The following TCF7L1 variants were observed in gnomAD, a reference collection of about 807,000 sequenced individuals.
TCF7L1 encodes the protein transcription factor 7-like 1.
A neutral mutation model predicts 63.7 loss-of-function variants in TCF7L1; 18 were observed. The observed-to-expected ratio is 0.28, with a 90% CI of 0.20 to 0.42. The LOEUF is 0.42. TCF7L1 is among the 10% of genes least tolerant of loss of function. TCF7L1 has a pLI of 1.00. For synonymous variants in TCF7L1, 355 were observed against 340.9 expected, an observed-to-expected ratio of 1.04 and a Z score of -0.46; for missense variants, 654 against 779.3, an observed-to-expected ratio of 0.84 and a Z score of 1.91.
intron 3 of TCF7L1, among the ~76,000 whole-genome samples, chr2:85,280,623 G>A (rs1308051625): frequency 6.6e-6 from 1 of 152,144 alleles, no homozygotes. Context: ...TATAGATTTG[G>A]GATACTTCTC....
At chr2:85,232,650 G>A (rs975705212) in intron 3 of TCF7L1, among the ~76,000 whole-genome samples, 32 of 152,250 alleles carry the variant, frequency 2.1e-4, no homozygotes, top group South Asian at 2.1e-4. Flanking sequence ...CTGATTAAGC[G>A]GTATCTCCTC....
At chr2:85,212,577 A>C (rs1468070376) in intron 3 of TCF7L1, among the ~76,000 whole-genome samples, 1 of 152,166 alleles carries the variant, frequency 6.6e-6, no homozygotes, top group African/African-American at 2.4e-5. Flanking sequence ...TTGGGCCTGA[A>C]CTGCGAGAGG....
At chr2:85,287,583 T>C (rs1207462010) in intron 4 of TCF7L1, among the ~76,000 whole-genome samples, 1 of 152,206 alleles carries the variant, frequency 6.6e-6, no homozygotes, top group African/African-American at 2.4e-5. Context: ...CATGGCATTA[T>C]AGATAGCAAC....
At position 85,133,966 on chromosome 2, in the gene TCF7L1, C is replaced by A; in HGVS notation, c.249+33C>A. The A allele has an allele frequency of 6.3e-7, 1 of 1,581,648 alleles. No homozygotes were observed. Among genetic ancestry groups the A allele is most frequent in the Non-Finnish European group, 8.6e-7 (1 of 1,163,008 alleles). ...AGCACCGCGGCCACCCCCGGGGGAT[C>A]CCGGCCCTGCGTCCGCTCACCCGCT... On this transcript the variant is annotated intron_variant, in intron 1 of 11. Coordinates refer to ENST00000282111, the MANE Select transcript of TCF7L1 (RefSeq NM_031283.3). The surrounding 1 kb of genome is among the most constrained non-coding windows in gnomAD (Gnocchi z 4.4).
At chr2:85,254,876 G>A (rs1315462506) in intron 3 of TCF7L1, among the ~76,000 whole-genome samples, 2 of 152,186 alleles carry the variant, frequency 1.3e-5, no homozygotes, top group Admixed American at 1.3e-4. Flanking sequence ...GTCTTCTGAG[G>A]GTCTGGAACT....
chr2:85,243,576 G>A (rs956117180), intron 3 of TCF7L1, among the ~76,000 whole-genome samples: 3 of 152,142 alleles, frequency 2.0e-5, no homozygotes, highest in African/African-American at 4.8e-5. Context: ...AGCATAAGAG[G>A]TGCTAGAAAC....
At chr2:85,278,337 G>T (rs1453490185) in intron 3 of TCF7L1, among the ~76,000 whole-genome samples, 1 of 152,192 alleles carries the variant, frequency 6.6e-6, no homozygotes, top group Non-Finnish European at 1.5e-5. Flanking sequence ...GACACTGATG[G>T]CAACACTCGA....
At chr2:85,136,955 G>C (rs1351137431) in intron 3 of TCF7L1, among the ~76,000 whole-genome samples, 1 of 152,162 alleles carries the variant, frequency 6.6e-6, no homozygotes, top group Non-Finnish European at 1.5e-5. Context: ...CTGGTAAAAT[G>C]AATGTGGATA....
chr2:85,260,676 G>T (rs753667341), intron 3 of TCF7L1, among the ~76,000 whole-genome samples: 4 of 151,724 alleles, frequency 2.6e-5, no homozygotes, highest in Non-Finnish European at 5.9e-5. Context: ...GACCTTGTAC[G>T]TGAGGCCTGG....
chr2:85,295,816 C>T (rs540554381), intron 4 of TCF7L1, among the ~76,000 whole-genome samples: 3 of 114,650 alleles, frequency 2.6e-5, no homozygotes, highest in East Asian at 5.9e-4. Context: ...CTCGTTCTGT[C>T]GCCCAGGCTG....
At chr2:85,279,896 A>G (rs1020496021) in intron 3 of TCF7L1, among the ~76,000 whole-genome samples, 1 of 152,208 alleles carries the variant, frequency 6.6e-6, no homozygotes, top group African/African-American at 2.4e-5. Flanking sequence ...GCCAGGTATC[A>G]GTGGTAGGCA....
At chr2:85,259,274 C>T (rs1278499924) in intron 3 of TCF7L1, among the ~76,000 whole-genome samples, 2 of 152,210 alleles carry the variant, frequency 1.3e-5, no homozygotes, top group African/African-American at 2.4e-5. Flanking sequence ...CGCCAATCCC[C>T]GTGTAAACAT....
intron 3 of TCF7L1, among the ~76,000 whole-genome samples, chr2:85,235,083 C>T (rs1477198437): frequency 6.6e-6 from 1 of 152,088 alleles, no homozygotes; most frequent in Non-Finnish European, 1.5e-5. Flanking sequence ...TGAAGAGGCT[C>T]TGTGTGCTGG....
At chr2:85,276,873 A>G (rs4832151) in intron 3 of TCF7L1, among the ~76,000 whole-genome samples, 109,311 of 151,952 alleles carry the variant, frequency 0.72, 40,130 homozygotes, top group East Asian at 0.85. Flanking sequence ...AACACCGTGT[A>G]CCGCTTCTCG....
rs774555974 is a variant in TCF7L1, at chr2:85,309,286, T to C, written c.1591T>C (p.Ser531Pro). The C allele has an allele frequency of 1.8e-5, 29 of 1,613,446 alleles. No homozygotes were observed. Among genetic ancestry groups the C allele is most frequent in the Non-Finnish European group, 2.5e-5 (29 of 1,179,958 alleles). Residue 531 changes from serine (S) to proline (P), a missense_variant, in exon 12 of 12, where the codon TCC becomes CCC. Physicochemically the swap from Ser to Pro is moderately conservative, Grantham distance 74. Around this residue, in one of 3 missense-constraint regions of TCF7L1, gnomAD observed 184 missense variants for 204.0 expected, o/e 0.90. Coordinates refer to ENST00000282111, the MANE Select transcript of TCF7L1 (RefSeq NM_031283.3). Reference sequence around the variant, plus strand: ...CCTGTCGGCTAAGGCTGCAGCCTCCTCCTCTGGGCAGATGGGCAGCCAGCC... The same window carrying C: ...CCTGTCGGCTAAGGCTGCAGCCTCCCCCTCTGGGCAGATGGGCAGCCAGCC... The part of the protein sequence containing the change: ...AFLSAKAAAS[S>P]SGQMGSQPPL...
intron 3 of TCF7L1, among the ~76,000 whole-genome samples, chr2:85,177,276 C>T (rs1008175413): frequency 2.0e-5 from 3 of 152,190 alleles, no homozygotes; most frequent in Non-Finnish European, 4.4e-5. Context: ...AAGGCCCCAC[C>T]TCCAAATACC....
chr2:85,271,111 T>C (rs1053124801), intron 3 of TCF7L1, among the ~76,000 whole-genome samples: 8 of 151,448 alleles, frequency 5.3e-5, no homozygotes, highest in African/African-American at 1.9e-4. Context: ...TCCAGCAGGC[T>C]CAATTTCCTT....
rs35508338 is a variant in TCF7L1, at chr2:85,234,131, C to CTTTTTTTTTTTTTTTTTTTTTT, written c.442-49363_442-49342dup. Among the ~76,000 whole-genome samples the CTTTTTTTTTTTTTTTTTTTTTT allele has an allele frequency of 9.1e-3, 594 of 65,148 alleles. 1 individual carries two copies. Among genetic ancestry groups the CTTTTTTTTTTTTTTTTTTTTTT allele is most frequent in the Non-Finnish European group, 0.012 (441 of 35,950 alleles). 42.7% of individuals were successfully genotyped at this position (65,148 alleles called of 152,430 possible). On this transcript the variant is annotated intron_variant, in intron 3 of 11. Transcript: ENST00000282111. ...TTTCATTTCTTTTCTTTTTTCTTTT[C>CTTTTTTTTTTTTTTTTTTTTTT]TTTTTTTTTTTTTTTTTTTTTTCGA... is the stretch of plus-strand genomic sequence containing the variant.
intron 3 of TCF7L1, among the ~76,000 whole-genome samples, chr2:85,153,695 G>C (rs1049081830): frequency 1.1e-4 from 16 of 152,206 alleles, no homozygotes; most frequent in African/African-American, 3.9e-4. Flanking sequence ...ACTAACTTAT[G>C]TTTAATTTTG....
Sources: gnomAD v4.1 joint callset for allele counts (sites outside exome capture counted in the v4.1 genomes callset) on GRCh38, gnomAD v4.1.1 for gene constraint, gnomAD v4.1.1 regional missense constraint, Gnocchi (gnomAD v3.1) non-coding constraint, MANE v1.5 for transcripts, NCBI Gene and HGNC (gene_info 2026-07-23, HGNC 2026-07-21) for gene names.